Variants in GRK5 observed in about 807,000 individuals in gnomAD.
GRK5 encodes g protein-coupled receptor kinase GRK5.
GRK5 carries 40 observed loss-of-function variants against 78.4 expected under a neutral mutation model. The observed-to-expected ratio is 0.51, with a 90% confidence interval of 0.40 to 0.66. The LOEUF is 0.66. Among genes scored for constraint, GRK5 ranks in the 30% least tolerant of loss-of-function variants. The pLI, the probability that GRK5 is intolerant of heterozygous loss-of-function variation, is 0.00. For missense variants in GRK5, 598 were observed against 759.9 expected, an observed-to-expected ratio of 0.79 and a Z score of 2.50; for synonymous variants, 289 against 296.8, an observed-to-expected ratio of 0.97 and a Z score of 0.27.
chr10:119,310,240 G>A (rs1247630629), intron 1 of GRK5, among the ~76,000 whole-genome samples: 1 of 152,208 alleles, frequency 6.6e-6, no homozygotes, highest in East Asian at 1.9e-4. Context: ...ATGAAAAATT[G>A]TATTTTTCCT....
intron 1 of GRK5, among the ~76,000 whole-genome samples, chr10:119,322,762 T>C (rs1241915248): frequency 2.0e-5 from 3 of 152,194 alleles, no homozygotes; most frequent in Non-Finnish European, 4.4e-5. Context: ...CCCCCAAAAC[T>C]TAAACATATA....
chr10:119,209,495 T>G (rs1402246295), intron 1 of GRK5, among the ~76,000 whole-genome samples: 3 of 55,500 alleles, frequency 5.4e-5, no homozygotes, highest in South Asian at 9.0e-4. Flanking sequence ...TGGTTTTTTT[T>G]TTTTTTTTTT....
intron 9 of GRK5, among the ~76,000 whole-genome samples, chr10:119,437,097 C>A (rs1019824095): frequency 1.3e-5 from 2 of 152,254 alleles, no homozygotes; most frequent in African/African-American, 4.8e-5. Flanking sequence ...AAATGATGTT[C>A]CTGAAACTGA....
intron 12 of GRK5, among the ~76,000 whole-genome samples, chr10:119,444,224 A>G (rs1392022736): frequency 6.6e-6 from 1 of 152,060 alleles, no homozygotes; most frequent in Non-Finnish European, 1.5e-5. Context: ...AACATCTTAT[A>G]ACAAAGTTTT....
In GRK5 at chr10:119,443,564, C is replaced by G. The variant is rs1256546469; in HGVS notation, c.1078C>G (p.Gln360Glu). Residue 360 changes from glutamine to glutamate, a missense_variant, in exon 12 of 16, where the codon CAG (glutamine) becomes GAG (glutamate). Coordinates refer to ENST00000392870, the MANE Select transcript of GRK5 (RefSeq NM_005308.3). Reference protein sequence around the residue: ...GYMAPEVLNNQRYGLSPDYWG... With the variant: ...GYMAPEVLNNERYGLSPDYWG... ...CCCAGCTCCAGAGGTCCTGAACAAC[C>G]AGAGGTACGGCCTGAGCCCCGACTA... 1 of 1,608,886 alleles carries G rather than the reference C, an allele frequency of 6.2e-7. No homozygotes were observed. Among genetic ancestry groups the G allele is most frequent in the Non-Finnish European group, 8.5e-7 (1 of 1,175,822 alleles).
intron 3 of GRK5, among the ~76,000 whole-genome samples, chr10:119,394,217 T>TGTG (rs1564916766): frequency 1.3e-5 from 1 of 76,680 alleles, no homozygotes; most frequent in Non-Finnish European, 2.8e-5. Flanking sequence ...TGTGTGTGGG[T>TGTG]ACGTGTGGGT....
intron 2 of GRK5, among the ~76,000 whole-genome samples, chr10:119,352,514 GCTT>G (rs1158925647): frequency 1.3e-5 from 2 of 152,180 alleles, no homozygotes; most frequent in Non-Finnish European, 2.9e-5. Flanking sequence ...AGATCGAACT[GCTT>G]CTCGTTGAAG....
chr10:119,240,422 C>T (rs1190833363), intron 1 of GRK5, among the ~76,000 whole-genome samples: 5 of 151,720 alleles, frequency 3.3e-5, no homozygotes, highest in Non-Finnish European at 5.9e-5. Context: ...AGGATGGTCT[C>T]GACCTCCTGA....
intron 1 of GRK5, among the ~76,000 whole-genome samples, chr10:119,324,699 C>T (rs1320509600): frequency 2.0e-5 from 3 of 152,220 alleles, no homozygotes; most frequent in East Asian, 1.9e-4. Context: ...GGCTTGGCCC[C>T]GGGCAGGGCC....
At chr10:119,331,722 C>A (rs2133770888) in intron 2 of GRK5, among the ~76,000 whole-genome samples, 1 of 152,310 alleles carries the variant, frequency 6.6e-6, no homozygotes, top group South Asian at 2.1e-4. Context: ...TCTGTTAAAG[C>A]CCTGGCCTTC....
At chr10:119,421,237 G>A (rs12243275) in intron 4 of GRK5, among the ~76,000 whole-genome samples, 36,144 of 152,228 alleles carry the variant, frequency 0.24, 4,461 homozygotes, top group East Asian at 0.4. Flanking sequence ...GATTTGCCCA[G>A]GGCCTCGGGA....
chr10:119,298,323 A>G (rs1306690175), intron 1 of GRK5, among the ~76,000 whole-genome samples: 1 of 152,156 alleles, frequency 6.6e-6, no homozygotes, highest in African/African-American at 2.4e-5. Context: ...GGAATTATTC[A>G]GGTTAACAGG....
In GRK5 at chr10:119,238,170, C is replaced by T. The variant is rs542948565; in HGVS notation, c.52+30201C>T. Among the ~76,000 whole-genome samples the T allele has an allele frequency of 6.6e-6, 1 of 152,206 alleles. No individual in the cohort carries two copies. Among genetic ancestry groups the T allele is most frequent in the African/African-American group, 2.4e-5 (1 of 41,524 alleles). On this transcript the variant is annotated intron_variant, in intron 1 of 15. Transcript: ENST00000392870. This position sits in a 1 kb window ranked among gnomAD's most constrained non-coding sequence, Gnocchi z 4.7. ...TTTCTGGTCTGAAGAGGAGAGTGTG[C>T]CCCTCACAGTAGATGGGGTGACAGA...
At chr10:119,219,512 A>G (rs1005639039) in intron 1 of GRK5, among the ~76,000 whole-genome samples, 3 of 152,200 alleles carry the variant, frequency 2.0e-5, no homozygotes, top group Non-Finnish European at 4.4e-5. Context: ...GGGATACTCA[A>G]CCTGTATTTA....
intron 2 of GRK5, among the ~76,000 whole-genome samples, chr10:119,367,192 C>G (rs1033738421): frequency 3.9e-5 from 6 of 152,214 alleles, no homozygotes; most frequent in African/African-American, 2.4e-5. Context: ...CTACCAAACT[C>G]TAAAGATCCG....
intron 4 of GRK5, among the ~76,000 whole-genome samples, chr10:119,415,108 A>AAG (rs1386222979): frequency 6.6e-6 from 1 of 151,458 alleles, no homozygotes; most frequent in Non-Finnish European, 1.5e-5. Context: ...AAAAAAGAAA[A>AAG]AGAAAAAAGA....
chr10:119,304,516 T>C (rs1400867399), intron 1 of GRK5, among the ~76,000 whole-genome samples: 1 of 152,114 alleles, frequency 6.6e-6, no homozygotes, highest in Non-Finnish European at 1.5e-5. Context: ...TTCCCCGTCA[T>C]TCCTCACAAC....
rs552195828 is a variant in GRK5, at chr10:119,453,587, C to A, written c.1674+311C>A. Among the ~76,000 whole-genome samples the A allele has an allele frequency of 3.3e-5, 5 of 152,298 alleles. No individual in the cohort carries two copies. The South Asian group carries it at 1.0e-3, about 32-fold the overall frequency. ...GTCCTGTGCATCGCAAGATGTGGGG[C>A]AGCAAGTTTGGCCTCCACCCACCAG... On this transcript the variant is annotated intron_variant, in intron 15 of 15. Transcript: ENST00000392870.
intron 2 of GRK5, among the ~76,000 whole-genome samples, chr10:119,365,410 C>G (rs1355628881): frequency 6.6e-6 from 1 of 152,184 alleles, no homozygotes; most frequent in Admixed American, 6.5e-5. Flanking sequence ...TATGAAACAC[C>G]TGTGTGGCAT....
Sources: gnomAD v4.1 joint callset for allele counts (sites outside exome capture counted in the v4.1 genomes callset) on GRCh38, gnomAD v4.1.1 for gene constraint, Gnocchi (gnomAD v3.1) non-coding constraint, MANE v1.5 for transcripts, NCBI Gene and HGNC (gene_info 2026-07-23, HGNC 2026-07-21) for gene names.